ARHGAP32: variants seen among roughly 807,000 people sequenced by gnomAD.
ARHGAP32 encodes Rho GTPase activating protein 32.
In ARHGAP32, 51 loss-of-function variants were observed where a neutral mutation model predicts 186.5. The ratio of observed to expected loss-of-function variants is 0.27; its 90% CI spans 0.22 to 0.35. The LOEUF (loss-of-function observed/expected upper bound fraction) is 0.35, where lower values mean the gene tolerates loss of function less well. Among genes scored for constraint, ARHGAP32 ranks in the 10% least tolerant of loss-of-function variants. ARHGAP32 has a pLI of 1.00. For synonymous variants in ARHGAP32, 950 were observed against 964.3 expected (o/e 0.99, Z 0.27); for missense variants, 2,186 against 2,623.5 (o/e 0.83, Z 3.64).
chr11:129,206,942 C>T (rs779489950), intron 1 of ARHGAP32, among the ~76,000 whole-genome samples: 10 of 152,004 alleles, frequency 6.6e-5, no homozygotes, highest in Non-Finnish European at 1.3e-4. Flanking sequence ...GTGTGATGTT[C>T]CCCTCTCTGT....
chr11:129,275,546 T>C (rs1319559589), intron 1 of ARHGAP32, among the ~76,000 whole-genome samples: 2 of 152,194 alleles, frequency 1.3e-5, no homozygotes, highest in Non-Finnish European at 1.5e-5. Context: ...AAATAGCACA[T>C]ATGCTAATTA....
intron 11 of ARHGAP32, among the ~76,000 whole-genome samples, chr11:129,022,967 GCTGA>G (rs1228207791): frequency 2.0e-5 from 3 of 152,034 alleles, no homozygotes; most frequent in Non-Finnish European, 2.9e-5. Flanking sequence ...TTTTTAAAAA[GCTGA>G]CTATGAAAAT....
chr11:129,154,701 A>G (rs935332077), intron 2 of ARHGAP32, among the ~76,000 whole-genome samples: 32 of 152,124 alleles, frequency 2.1e-4, no homozygotes, highest in African/African-American at 7.7e-4. Context: ...AAGGCATAAG[A>G]CTGATATAAT....
chr11:128,976,359 G>C (rs1945541884), intron 20 of ARHGAP32, among the ~76,000 whole-genome samples: 1 of 152,050 alleles, frequency 6.6e-6, no homozygotes, highest in Non-Finnish European at 1.5e-5. Context: ...TAGCAGTCAT[G>C]CCAAAAATGA....
chr11:129,232,245 T>C (rs1206189854), intron 1 of ARHGAP32, among the ~76,000 whole-genome samples: 1 of 152,098 alleles, frequency 6.6e-6, no homozygotes, highest in Non-Finnish European at 1.5e-5. Flanking sequence ...AGACAGATAT[T>C]CTGGGTGATG....
At chr11:129,052,749 A>G (rs1198141244) in intron 10 of ARHGAP32, among the ~76,000 whole-genome samples, 1 of 152,188 alleles carries the variant, frequency 6.6e-6, no homozygotes, top group African/African-American at 2.4e-5. Context: ...AGTTGTCCCA[A>G]GTATTTATAT....
At position 128,970,662 on chromosome 11, in the gene ARHGAP32, A is replaced by C; in HGVS notation, c.4551T>G (p.Arg1517=). The C allele has an allele frequency of 6.2e-7, 1 of 1,614,072 alleles. No homozygotes were observed. Among genetic ancestry groups the C allele is most frequent in the Non-Finnish European group, 8.5e-7 (1 of 1,180,018 alleles). Residue 1517 remains arginine, a synonymous_variant, in exon 23 of 23, where the codon CGT becomes CGG. Coordinates refer to ENST00000682385, the MANE Select transcript of ARHGAP32 (RefSeq NM_001378024.1). This position sits in a 1 kb window ranked among gnomAD's most constrained non-coding sequence, Gnocchi z 5.8. ...HFNMTPNCQY[R]PQSVPPHHNK... is the part of the protein sequence containing the mutation. The stretch of plus-strand genomic sequence containing the variant: ...TGTGATGGGGAGGTACACTCTGGGG[A>C]CGGTACTGGCAGTTTGGAGTCATAT...
chr11:129,209,958 T>C (rs1443640732), intron 1 of ARHGAP32, among the ~76,000 whole-genome samples: 5 of 152,178 alleles, frequency 3.3e-5, no homozygotes, highest in Non-Finnish European at 1.5e-5. Context: ...AAAATATTCT[T>C]GAAATAACAC....
At position 128,972,466 on chromosome 11, in the gene ARHGAP32, T is replaced by C; in HGVS notation, c.4040A>G (p.Asn1347Ser). ...QVQAATNIGL[N>S]NSHKVQGVVP... ...TCCCCTTCTTACCTTGTGGGAATTATTTAATCCTATATTGGTTGCTGCTTG... is the reference window on the plus strand; with the variant it reads ...TCCCCTTCTTACCTTGTGGGAATTACTTAATCCTATATTGGTTGCTGCTTG... The change falls in exon 22 of 23, where the codon AAT (asparagine) becomes AGT (serine). Residue 1347 changes from asparagine to serine, a missense_variant. This residue lies in a region of ARHGAP32 where 1,502 missense variants were observed against 1,570.0 expected (regional missense o/e 0.96). Transcript: ENST00000682385. 2 of 1,514,832 alleles carry C rather than the reference T, an allele frequency of 1.3e-6. No individual in the cohort carries two copies. Among genetic ancestry groups the C allele is most frequent in the South Asian group, 1.3e-5 (1 of 74,364 alleles). 93.8% of individuals were successfully genotyped at this position (1,514,832 alleles called of 1,614,324 possible). A position where few individuals can be genotyped will look rare whatever the true frequency, so the allele number is the denominator to read the frequency against.
rs982648182 is a variant in ARHGAP32 at position 129,182,646 on chromosome 11, C to CT, written c.116+9436dup. 2.8e-3 allele frequency among the ~76,000 whole-genome samples: 408 copies of CT among 144,214 alleles called. 2 individuals carry two copies. In the East Asian group the frequency reaches 0.038, roughly 13 times the overall value. The allele number at this position is 144,214 out of a possible 152,430, so 94.6% of individuals were successfully genotyped here. ...GTTAATTCTCTATGTTTTCTATTACCTTTTTTTTTTTTCTGGAGACAGGGT... is the reference window on the plus strand; with the variant it reads ...GTTAATTCTCTATGTTTTCTATTACCTTTTTTTTTTTTTCTGGAGACAGGGT... On this transcript the variant is annotated intron_variant, in intron 1 of 22. Transcript: ENST00000682385.
At chr11:129,177,356 G>A (rs1943940568) in intron 1 of ARHGAP32, among the ~76,000 whole-genome samples, 2 of 152,094 alleles carry the variant, frequency 1.3e-5, no homozygotes, top group South Asian at 2.1e-4. Flanking sequence ...TCTACCAGAG[G>A]TACAAGGAGA....
At chr11:129,249,122 T>G (rs973214824) in intron 1 of ARHGAP32, among the ~76,000 whole-genome samples, 1 of 152,118 alleles carries the variant, frequency 6.6e-6, no homozygotes, top group Non-Finnish European at 1.5e-5. Flanking sequence ...CTAGAATTCA[T>G]TAAGAACAGC....
At chr11:129,004,860 T>C (rs1937679664) in intron 11 of ARHGAP32, among the ~76,000 whole-genome samples, 1 of 152,196 alleles carries the variant, frequency 6.6e-6, no homozygotes. Flanking sequence ...TTAGTCCATT[T>C]ACATTTGATG....
Position 128,973,138 on chromosome 11 carries a change from A to C in ARHGAP32, c.3368T>G (p.Leu1123Arg). 5 of 1,614,110 alleles carry C rather than the reference A, an allele frequency of 3.1e-6. No individual in the cohort carries two copies. The highest frequency in any genetic ancestry group is 4.2e-6 in the Non-Finnish European group (5 of 1,180,036). The part of the protein sequence containing the change: ...QTDRPAEQFH[L>R]QNNAPGNCDH... ...ACAGTTTCCTGGTGCATTATTCTGG[A>C]GGTGGAACTGCTCTGCTGGTCGATC... The change falls in exon 22 of 23, where the codon CTC (leucine) becomes CGC (arginine). Residue 1123 changes from leucine to arginine, a missense_variant. Coordinates refer to ENST00000682385, the MANE Select transcript of ARHGAP32 (RefSeq NM_001378024.1).
chr11:129,121,270 C>T (rs1320427344), intron 5 of ARHGAP32, among the ~76,000 whole-genome samples: 1 of 151,758 alleles, frequency 6.6e-6, no homozygotes, highest in African/African-American at 2.4e-5. Context: ...AGATAAAAAA[C>T]ATAAGCATGT....
chr11:128,972,347 A>G, intron 22 of ARHGAP32, 106 bp downstream of exon 22: 3 of 1,308,964 alleles, frequency 2.3e-6, no homozygotes, highest in Non-Finnish European at 3.1e-6. Flanking sequence ...ACAGGGCTTA[A>G]AAGTAATTGT....
intron 2 of ARHGAP32, among the ~76,000 whole-genome samples, chr11:129,162,948 G>C (rs1169892012): frequency 6.6e-6 from 1 of 152,068 alleles, no homozygotes; most frequent in Non-Finnish European, 1.5e-5. Context: ...CAAACTACAG[G>C]TCCAGTAGGG....
At chr11:129,143,088 T>TATATATATATATATATATATATAA (rs886102587) in intron 2 of ARHGAP32, among the ~76,000 whole-genome samples, 2 of 149,066 alleles carry the variant, frequency 1.3e-5, no homozygotes, top group Non-Finnish European at 3.0e-5. Flanking sequence ...TATATATATA[T>TATATATATATATATATATATATAA]AATCAACTGA....
intron 1 of ARHGAP32, among the ~76,000 whole-genome samples, chr11:129,178,532 A>G (rs1427043036): frequency 2.0e-5 from 3 of 152,140 alleles, no homozygotes; most frequent in African/African-American, 4.8e-5. Context: ...ACACTACCTG[A>G]CTTCAAACTA....
Sources: allele counts gnomAD v4.1 joint callset (sites outside exome capture counted in the v4.1 genomes callset), GRCh38; gene constraint gnomAD v4.1.1; regional missense constraint gnomAD v4.1.1; non-coding constraint Gnocchi (gnomAD v3.1); transcripts MANE v1.5; gene names NCBI Gene and HGNC (gene_info 2026-07-23, HGNC 2026-07-21).